The following CA10 variants were observed in gnomAD, a reference collection of about 807,000 sequenced individuals.
The protein encoded by CA10 is carbonic anhydrase-related protein 10.
CA10 carries 14 observed loss-of-function variants against 44.2 expected under a neutral mutation model. The ratio of observed to expected loss-of-function variants is 0.32; its 90% CI spans 0.21 to 0.50. CA10 has a LOEUF of 0.50. CA10 is among the 20% of genes least tolerant of loss of function. The pLI, the probability that CA10 is intolerant of heterozygous loss-of-function variation, is 0.99. For missense variants in CA10, 350 were observed against 409.7 expected (o/e 0.85, Z 1.26); for synonymous variants, 159 against 141.6 (o/e 1.12, Z -0.87).
Position 51,669,156 on chromosome 17 carries a change from G to C in CA10, c.466-15420C>G, listed in dbSNP as rs555886263. Among the ~76,000 whole-genome samples the C allele has an allele frequency of 2.6e-5, 4 of 152,370 alleles. 1 individual carries two copies. In the East Asian group the frequency reaches 7.7e-4, roughly 29 times the overall value. ...AGGCGCGGGACCAGATGGCAGCTCT[G>C]CCGGGCGGCCCAGTGTGGGATCCAC... On this transcript the variant is annotated intron_variant, in intron 4 of 8. Transcript: ENST00000451037.
chr17:51,717,848 T>C (rs938207322), intron 4 of CA10, among the ~76,000 whole-genome samples: 6 of 85,836 alleles, frequency 7.0e-5, no homozygotes, highest in African/African-American at 3.1e-4. Flanking sequence ...TATATATATA[T>C]ATATATATAT....
intron 3 of CA10, among the ~76,000 whole-genome samples, chr17:51,759,485 T>G (rs926312764): frequency 3.2e-5 from 4 of 123,994 alleles, no homozygotes; most frequent in African/African-American, 1.0e-4. Context: ...ATAATCTATA[T>G]TTAATATATT....
chr17:51,836,432 A>G (rs1287171962), intron 3 of CA10, among the ~76,000 whole-genome samples: 2 of 152,222 alleles, frequency 1.3e-5, no homozygotes, highest in Non-Finnish European at 2.9e-5. Flanking sequence ...AGTCTGGTAA[A>G]GAAGTCAGGT....
rs56334140 is a variant in CA10, at chr17:51,901,523, G to A, written c.279+29467C>T. ...ACTGCAGCAGCATCATGGGGTACAC[G>A]TGTTGGCTAAAGAAAGGTACCAGTG... is the stretch of plus-strand genomic sequence containing the variant. On this transcript the variant is annotated intron_variant, in intron 3 of 8. Transcript: ENST00000451037. 6.9e-3 allele frequency among the ~76,000 whole-genome samples: 1,047 copies of A among 152,266 alleles called. 16 individuals are homozygous for A. Among genetic ancestry groups the A allele is most frequent in the African/African-American group, 0.023 (972 of 41,560 alleles).
At chr17:51,902,590 T>C (rs1222815184) in intron 3 of CA10, among the ~76,000 whole-genome samples, 1 of 152,158 alleles carries the variant, frequency 6.6e-6, no homozygotes. Flanking sequence ...CTCAGTGCTT[T>C]CTTCCATGAC....
intron 3 of CA10, among the ~76,000 whole-genome samples, chr17:51,824,948 C>T (rs181984657): frequency 7.9e-4 from 120 of 152,320 alleles, no homozygotes; most frequent in Non-Finnish European, 1.3e-3. Flanking sequence ...GCCGCTGGTT[C>T]GGTTTGTTAG....
chr17:51,692,410 TCTATCTATCTATCTATTTTACCA>T lies in CA10; in HGVS notation c.466-38697_466-38675del, dbSNP rs1361508489. Among the ~76,000 whole-genome samples the T allele has an allele frequency of 9.9e-4, 128 of 129,082 alleles. 1 individual carries two copies. Among genetic ancestry groups the T allele is most frequent in the South Asian group, 1.6e-3 (6 of 3,840 alleles). 84.7% of individuals were successfully genotyped at this position (129,082 alleles called of 152,430 possible). A position where few individuals can be genotyped will look rare whatever the true frequency, so the allele number is the denominator to read the frequency against. ...ATCTATCTATCTATCTATCTATCTA[TCTATCTATCTATCTATTTTACCA>T]TTTACCATGGGAATGATAGGTTTTT... is the stretch of plus-strand genomic sequence containing the variant. On this transcript the variant is annotated intron_variant, in intron 4 of 8. Transcript: ENST00000451037.
intron 3 of CA10, among the ~76,000 whole-genome samples, chr17:51,823,848 T>G (rs1370290476): frequency 6.6e-6 from 1 of 152,242 alleles, no homozygotes; most frequent in Non-Finnish European, 1.5e-5. Flanking sequence ...GTAATTAGGC[T>G]ATGTTAGGCA....
chr17:51,867,959 T>C (rs760554729), intron 3 of CA10, among the ~76,000 whole-genome samples: 20 of 152,172 alleles, frequency 1.3e-4, no homozygotes, highest in Non-Finnish European at 1.5e-4. Flanking sequence ...AACAGTTTGA[T>C]GATGATCCAC....
At chr17:51,797,585 G>C (rs1906762177) in intron 3 of CA10, among the ~76,000 whole-genome samples, 2 of 152,172 alleles carry the variant, frequency 1.3e-5, no homozygotes, top group South Asian at 2.1e-4. Context: ...GCCAGGCGCA[G>C]TGGCTCACAC....
intron 2 of CA10, among the ~76,000 whole-genome samples, chr17:52,014,743 TA>T (rs141992190): frequency 0.032 from 4,827 of 151,976 alleles, 262 homozygotes; most frequent in African/African-American, 0.11. Flanking sequence ...GTCACTTTGA[TA>T]AAAAAATAGG....
chr17:51,945,249 T>C (rs751371065), intron 2 of CA10, among the ~76,000 whole-genome samples: 7 of 152,124 alleles, frequency 4.6e-5, no homozygotes, highest in East Asian at 1.9e-4. Flanking sequence ...CAGCTGCCAA[T>C]TGATGTTTTA....
chr17:51,663,492 T>C (rs1000543106), intron 4 of CA10, among the ~76,000 whole-genome samples: 29 of 151,018 alleles, frequency 1.9e-4, no homozygotes, highest in Non-Finnish European at 3.7e-4. Flanking sequence ...AGGGCATGGA[T>C]GAGGAGAGTT....
chr17:51,655,215 A>G (rs951633674), intron 4 of CA10, among the ~76,000 whole-genome samples: 25 of 152,236 alleles, frequency 1.6e-4, no homozygotes, highest in Admixed American at 1.0e-3. Context: ...ACAAACACCC[A>G]TAACATATTT....
Position 51,753,937 on chromosome 17 carries a change from G to A in CA10, c.280-6119C>T, listed in dbSNP as rs369683872. On this transcript the variant is annotated intron_variant, in intron 3 of 8. Transcript: ENST00000451037. ...TGGCTCACTGCAACCTCCACCTCCC[G>A]GGTTCAAGTGATTCTCCCTCCACAG... 2.5e-4 allele frequency among the ~76,000 whole-genome samples: 38 copies of A among 152,116 alleles called. No homozygotes were observed. The East Asian group carries it at 3.3e-3, about 13-fold the overall frequency.
intron 3 of CA10, among the ~76,000 whole-genome samples, chr17:51,896,567 G>A (rs546405889): frequency 1.8e-4 from 27 of 152,132 alleles, no homozygotes; most frequent in African/African-American, 6.5e-4. Context: ...TGTCTTTATG[G>A]CAGCACAATT....
At chr17:51,717,705 A>ATATATATATG (rs1916179221) in intron 4 of CA10, among the ~76,000 whole-genome samples, 1 of 64,270 alleles carries the variant, frequency 1.6e-5, no homozygotes, top group South Asian at 5.2e-4. Flanking sequence ...ATGCATGTAT[A>ATATATATATG]TATACATATA....
chr17:52,075,273 A>G lies in CA10; in HGVS notation c.62-2880T>C, dbSNP rs138864139. Among the ~76,000 whole-genome samples, 129 of 152,314 alleles carry G rather than the reference A, an allele frequency of 8.5e-4. 2 individuals carry two copies. In the East Asian group the frequency reaches 0.019, roughly 22 times the overall value. On this transcript the variant is annotated intron_variant, in intron 1 of 8. Transcript: ENST00000451037. ...GGTGCACTAGAAGAAGATAAAATGA[A>G]GAAGTTGGATGCTTAATTAACACAG...
intron 2 of CA10, among the ~76,000 whole-genome samples, chr17:51,959,753 A>T (rs1162941118): frequency 3.4e-5 from 5 of 147,890 alleles, no homozygotes; most frequent in Admixed American, 2.8e-4. Context: ...GGTTGAGGTT[A>T]GACTTATGAC....
Sources: gnomAD v4.1 joint callset for allele counts (sites outside exome capture counted in the v4.1 genomes callset) on GRCh38, gnomAD v4.1.1 for gene constraint, MANE v1.5 for transcripts, NCBI Gene and HGNC (gene_info 2026-07-23, HGNC 2026-07-21) for gene names.